RORA: variants seen among roughly 807,000 people sequenced by gnomAD.
RORA encodes the protein RAR related orphan receptor A.
Under a neutral mutation model 69.5 loss-of-function variants are expected in RORA, and 7 were observed. That is an observed-to-expected ratio of 0.10 (90% CI 0.06 to 0.19). The LOEUF is 0.19. Ranked by LOEUF, RORA falls within the 10% of genes least tolerant of loss-of-function variation. RORA has a pLI of 1.00. For synonymous variants in RORA, 261 were observed against 240.8 expected (o/e 1.08, Z -0.78); for missense variants, 457 against 663.0 (o/e 0.69, Z 3.41).
At chr15:60,622,534 C>T (rs890912567) in intron 2 of RORA, among the ~76,000 whole-genome samples, 3 of 151,794 alleles carry the variant, frequency 2.0e-5, no homozygotes, top group African/African-American at 7.3e-5. Context: ...ACCACCTGAG[C>T]CTGGGAGGTG....
chr15:60,927,218 A>T (rs1470446769), intron 1 of RORA, among the ~76,000 whole-genome samples: 1 of 152,150 alleles, frequency 6.6e-6, no homozygotes, highest in East Asian at 1.9e-4. Context: ...ACTAGCTGCC[A>T]GGTAACCAAT....
chr15:60,760,767 G>A (rs143621965), intron 1 of RORA, among the ~76,000 whole-genome samples: 20 of 152,250 alleles, frequency 1.3e-4, no homozygotes, highest in Middle Eastern at 3.4e-3. Flanking sequence ...GCAGCAAGTC[G>A]TGTGATCCAG....
intron 2 of RORA, among the ~76,000 whole-genome samples, chr15:60,592,201 C>T (rs2068541022): frequency 6.6e-6 from 1 of 151,850 alleles, no homozygotes; most frequent in African/African-American, 2.4e-5. Flanking sequence ...GGAGGCAGGC[C>T]GATCCCGTGG....
At chr15:60,945,401 G>C (rs913450844) in intron 1 of RORA, among the ~76,000 whole-genome samples, 2 of 152,206 alleles carry the variant, frequency 1.3e-5, no homozygotes, top group Admixed American at 1.3e-4. Context: ...CTCTCTTCCA[G>C]GACACAGTGG....
At chr15:60,585,575 C>T (rs1190939492) in intron 2 of RORA, among the ~76,000 whole-genome samples, 1 of 152,084 alleles carries the variant, frequency 6.6e-6, no homozygotes, top group Non-Finnish European at 1.5e-5. Context: ...TTTAGCTCAT[C>T]AAATGACGAC....
intron 1 of RORA, among the ~76,000 whole-genome samples, chr15:60,920,881 C>T (rs944441528): frequency 1.3e-5 from 2 of 152,172 alleles, no homozygotes; most frequent in Non-Finnish European, 1.5e-5. Flanking sequence ...CAGGACACCT[C>T]AGTGGAGTTC....
intron 1 of RORA, among the ~76,000 whole-genome samples, chr15:60,970,385 TTCA>T (rs1416667433): frequency 6.6e-6 from 1 of 152,194 alleles, no homozygotes; most frequent in African/African-American, 2.4e-5. Context: ...TCTGCCTTTG[TTCA>T]TCATCAGTTC....
At chr15:61,097,179 A>G (rs904367781) in intron 1 of RORA, among the ~76,000 whole-genome samples, 2 of 152,192 alleles carry the variant, frequency 1.3e-5, no homozygotes, top group Non-Finnish European at 2.9e-5. Context: ...GGATTTGAGC[A>G]GGGTCCAGAA....
At chr15:60,598,807 G>C (rs2068754539) in intron 2 of RORA, among the ~76,000 whole-genome samples, 1 of 152,206 alleles carries the variant, frequency 6.6e-6, no homozygotes, top group African/African-American at 2.4e-5. Flanking sequence ...AGGACACAAA[G>C]ATGGATAAGA....
chr15:61,077,286 T>G (rs940222), intron 1 of RORA, among the ~76,000 whole-genome samples: 33,404 of 151,936 alleles, frequency 0.22, 4,068 homozygotes, highest in East Asian at 0.33. Context: ...ACAAATGATT[T>G]TAGAAGGACA....
At chr15:60,926,844 G>A (rs1054781462) in intron 1 of RORA, among the ~76,000 whole-genome samples, 1 of 152,174 alleles carries the variant, frequency 6.6e-6, no homozygotes, top group Non-Finnish European at 1.5e-5. Context: ...TCTATATGAT[G>A]TAATTAATCC....
At chr15:60,911,703 A>ATT (rs60693324) in intron 1 of RORA, among the ~76,000 whole-genome samples, 47,789 of 142,728 alleles carry the variant, frequency 0.33, 8,468 homozygotes, top group Middle Eastern at 0.43. Context: ...CGGATTTTTG[A>ATT]TTTTTTTTTT....
intron 1 of RORA, among the ~76,000 whole-genome samples, chr15:61,155,989 A>T (rs1285431448): frequency 6.6e-6 from 1 of 152,182 alleles, no homozygotes; most frequent in Non-Finnish European, 1.5e-5. Flanking sequence ...CTCAGAACCC[A>T]ACAGGCTGGG....
chr15:60,809,866 A>C (rs143736600), intron 1 of RORA, among the ~76,000 whole-genome samples: 2 of 151,934 alleles, frequency 1.3e-5, no homozygotes, highest in Non-Finnish European at 2.9e-5. Context: ...TTCAACTCCA[A>C]ACTCTCCAAA....
At chr15:60,733,008 G>A (rs1453803797) in intron 1 of RORA, among the ~76,000 whole-genome samples, 2 of 152,166 alleles carry the variant, frequency 1.3e-5, no homozygotes, top group East Asian at 1.9e-4. Flanking sequence ...CTTGGGGACC[G>A]TGTGGAAAAT....
chr15:60,958,049 C>G (rs750004566), intron 1 of RORA, among the ~76,000 whole-genome samples: 1 of 151,668 alleles, frequency 6.6e-6, no homozygotes, highest in Non-Finnish European at 1.5e-5. Flanking sequence ...TGTTCGTCTA[C>G]TTTATTTCTT....
intron 1 of RORA, among the ~76,000 whole-genome samples, chr15:61,192,945 C>T (rs977572057): frequency 6.6e-6 from 1 of 152,092 alleles, no homozygotes; most frequent in Admixed American, 6.5e-5. Flanking sequence ...TTTGCACATA[C>T]TAGTTGTTGC....
intron 1 of RORA, among the ~76,000 whole-genome samples, chr15:61,103,252 T>A (rs1271127910): frequency 6.6e-6 from 1 of 152,152 alleles, no homozygotes; most frequent in African/African-American, 2.4e-5. Flanking sequence ...GCTGTGAGCA[T>A]CAGCAGGCTG....
intron 1 of RORA, among the ~76,000 whole-genome samples, chr15:61,217,157 G>T (rs992830588): frequency 1.3e-5 from 2 of 152,204 alleles, no homozygotes; most frequent in African/African-American, 4.8e-5. Context: ...CAATGTGGAA[G>T]AGAGTATCTG....
Sources: allele counts gnomAD v4.1 joint callset (sites outside exome capture counted in the v4.1 genomes callset), GRCh38; gene constraint gnomAD v4.1.1; transcripts MANE v1.5; gene names NCBI Gene and HGNC (gene_info 2026-07-23, HGNC 2026-07-21).